The following AARS1 variants were observed in gnomAD, a reference collection of about 807,000 sequenced individuals.
AARS1 encodes the protein alanine--tRNA ligase, cytoplasmic.
Under a neutral mutation model 108.9 loss-of-function variants are expected in AARS1, and 72 were observed. The ratio of observed to expected loss-of-function variants is 0.66; its 90% confidence interval spans 0.55 to 0.80. The LOEUF (loss-of-function observed/expected upper bound fraction) is 0.80, where lower values mean the gene tolerates loss of function less well. Among genes scored for constraint, AARS1 ranks in the 30% least tolerant of loss-of-function variants. The probability of loss-of-function intolerance (pLI) is 0.00; values close to 1 mark genes in which losing one functional copy is unlikely to be tolerated. For synonymous variants in AARS1, 489 were observed against 465.7 expected (o/e 1.05, Z -0.64); for missense variants, 1,193 against 1,233.2 (o/e 0.97, Z 0.49).
At chr16:70,267,910 G>C (rs1281062951) in intron 8 of AARS1, 101 bp from the exon 9 acceptor site, 1 of 1,529,900 alleles carries the variant, frequency 6.5e-7, no homozygotes, top group African/African-American at 1.4e-5. Context: ...GCTCACGCCT[G>C]TAATCCTACC....
chr16:70,272,318 A>T (rs1261875581), intron 4 of AARS1, among the ~76,000 whole-genome samples: 2 of 151,542 alleles, frequency 1.3e-5, no homozygotes, highest in Non-Finnish European at 2.9e-5. Flanking sequence ...CAGCCTCATC[A>T]ACATGGAGAA....
intron 4 of AARS1, among the ~76,000 whole-genome samples, chr16:70,272,366 T>C (rs949800912): frequency 6.7e-6 from 1 of 149,700 alleles, no homozygotes; most frequent in Non-Finnish European, 1.5e-5. Context: ...ATTAGCTGGG[T>C]GTGGTGGCGC....
chr16:70,258,267 C>A (rs199523744), intron 14 of AARS1, 50 bp from the exon 15 acceptor site: 3 of 1,545,544 alleles, frequency 1.9e-6, no homozygotes, highest in African/African-American at 1.4e-5. Context: ...CCTGGAGGTG[C>A]GGTACGACGA....
rs781347519 is a variant in AARS1 at position 70,258,192 on chromosome 16, AG to A, written c.2017del (p.Leu673TrpfsTer45). 4 of 1,601,412 alleles carry A rather than the reference AG, an allele frequency of 2.5e-6. No individual in the cohort carries two copies. Among genetic ancestry groups the A allele is most frequent in the African/African-American group, 1.3e-5 (1 of 74,530 alleles). ...AKAVYTQDCP[L>X]AAAKAIQGLR... is the part of the protein sequence containing the mutation. ...GCCCTGGATGGCTTTCGCTGCTGCC[AG>A]GGGGCAATCCTGGGTATAGACGGCC... On this transcript the variant is annotated frameshift_variant, in exon 15 of 21. Transcript: ENST00000261772. LOFTEE classifies it high-confidence loss of function.
intron 13 of AARS1, among the ~76,000 whole-genome samples, chr16:70,259,544 G>C (rs115134263): frequency 0.014 from 2,159 of 152,194 alleles, 61 homozygotes; most frequent in African/African-American, 0.049. Flanking sequence ...GTACAGCGGC[G>C]CGATTGTAGC....
In AARS1 at chr16:70,268,131, G is replaced by T. The variant is rs62049419; in HGVS notation, c.1071+140C>A. ...TGCAGTGAGCCAAGATCACTCTATT[G>T]CACTCCAGCGTGGGTGACAGAGTGA... is the stretch of plus-strand genomic sequence containing the variant. On this transcript the variant is annotated intron_variant, in intron 8 of 20. Coordinates refer to ENST00000261772, the MANE Select transcript of AARS1 (RefSeq NM_001605.3). The T allele has an allele frequency of 0.35, 285,599 of 817,742 alleles. 54,079 individuals are homozygous for T. The highest frequency in any genetic ancestry group is 0.39 in the Non-Finnish European group (191,791 of 493,596). 50.7% of individuals were successfully genotyped at this position (817,742 alleles called of 1,614,324 possible).
At chr16:70,260,798 G>A (rs1960113804) in intron 13 of AARS1, among the ~76,000 whole-genome samples, 1 of 152,084 alleles carries the variant, frequency 6.6e-6, no homozygotes, top group Non-Finnish European at 1.5e-5. Flanking sequence ...GAGTAGCTGG[G>A]ACTATAGGCG....
chr16:70,254,004 T>C lies in AARS1; in HGVS notation c.2435A>G (p.Lys812Arg), dbSNP rs1179785822. The stretch of plus-strand genomic sequence containing the variant: ...TTTGAGAGTCTCCCGCAATTCATCC[T>C]TCTGCCACTGGGGGATGACTGCAGT... ...LATAVIPQWQKDELRETLKSL... is the reference protein window; with the variant it reads ...LATAVIPQWQRDELRETLKSL... Residue 812 changes from lysine to arginine, a missense_variant, in exon 18 of 21, where the codon AAG becomes AGG. Physicochemically the swap from Lys to Arg is conservative, Grantham distance 26. Coordinates refer to ENST00000261772, the MANE Select transcript of AARS1 (RefSeq NM_001605.3). 2 of 1,614,200 alleles carry C rather than the reference T, an allele frequency of 1.2e-6. No homozygotes were observed. Among genetic ancestry groups the C allele is most frequent in the Admixed American group, 3.3e-5 (2 of 60,026 alleles).
chr16:70,270,445 C>G, intron 5 of AARS1, 105 bp from the exon 6 acceptor site: 1 of 1,439,392 alleles, frequency 6.9e-7, no homozygotes, highest in South Asian at 1.2e-5. Context: ...CAGGCTGTGA[C>G]CATCTGCCAT....
chr16:70,273,888 AT>A, intron 4 of AARS1, among the ~76,000 whole-genome samples: 1 of 149,342 alleles, frequency 6.7e-6, no homozygotes, highest in Non-Finnish European at 1.5e-5. Flanking sequence ...AAAAAAAAAA[AT>A]TAGCCAGGCA....
In AARS1 at chr16:70,273,535, T is replaced by C. The variant is rs183748028; in HGVS notation, c.480-1563A>G. 3.7e-3 allele frequency among the ~76,000 whole-genome samples: 558 copies of C among 151,940 alleles called. 2 individuals are homozygous for C. The highest frequency in any genetic ancestry group is 0.012 in the African/African-American group (498 of 41,442). ...GAGTTCAAGATCAGCCTGGGCAACA[T>C]AGCAAAACCCTGTCCCTACAAAAAA... On this transcript the variant is annotated intron_variant, in intron 4 of 20. Coordinates refer to ENST00000261772, the MANE Select transcript of AARS1 (RefSeq NM_001605.3).
At position 70,269,630 on chromosome 16, in the gene AARS1, T is replaced by A. The variant is rs751265785; in HGVS notation, c.950A>T (p.Asn317Ile). 2.5e-6 allele frequency: 4 copies of A among 1,614,098 alleles called. No homozygotes were observed. The South Asian group carries it at 3.3e-5, about 13-fold the overall frequency. Residue 317 changes from asparagine to isoleucine, a missense_variant, in exon 7 of 21, where the codon AAC becomes ATC. Transcript: ENST00000261772. ...VALADGGRPD[N>I]TGRGYVLRRI... ...GCAGCATACTTACCCACGCCCTGTG[T>A]TGTCAGGCCGGCCACCATCAGCCAG...
intron 10 of AARS1, 77 bp from the exon 11 acceptor site, chr16:70,265,179 C>T: frequency 6.4e-7 from 1 of 1,567,136 alleles, no homozygotes; most frequent in Non-Finnish European, 8.8e-7. Context: ...ACTTGCTAAA[C>T]TATGCCCAGC....
chr16:70,259,074 CG>C lies in AARS1; in HGVS notation c.1897del (p.Arg633AlafsTer27), dbSNP rs2152154412. The C allele has an allele frequency of 6.2e-7, 1 of 1,614,140 alleles. No homozygotes were observed. Among genetic ancestry groups the C allele is most frequent in the South Asian group, 1.1e-5 (1 of 91,084 alleles). ...DQKGSLVAPD[R>X]LRFDFTAKGA... ...CTTGGCAGTAAAGTCAAATCTGAGG[CG>C]GTCAGGAGCAACCAATGAGCCTTTC... On this transcript the variant is annotated frameshift_variant, in exon 14 of 21. Coordinates refer to ENST00000261772, the MANE Select transcript of AARS1 (RefSeq NM_001605.3). LOFTEE classifies it high-confidence loss of function.
intron 13 of AARS1, among the ~76,000 whole-genome samples, chr16:70,259,644 A>C (rs1362901712): frequency 1.3e-5 from 2 of 151,628 alleles, no homozygotes; most frequent in African/African-American, 4.8e-5. Context: ...CACTACCCCC[A>C]ACTAATATTT....
rs1221132045 is a variant in AARS1 at position 70,261,166 on chromosome 16, G to C, written c.1672-9C>G. On this transcript the variant is annotated splice_polypyrimidine_tract_variant and intron_variant, in intron 12 of 20. Coordinates refer to ENST00000261772, the MANE Select transcript of AARS1 (RefSeq NM_001605.3). ...ACTGTAAACTCTGTTTTCTAAGAGG[G>C]GTCAAGGAAGAGACCAATAAATAAA... 1.3e-6 allele frequency: 2 copies of C among 1,592,918 alleles called. No individual in the cohort carries two copies. The highest frequency in any genetic ancestry group is 1.7e-6 in the Non-Finnish European group (2 of 1,161,370).
chr16:70,287,829 A>G (rs1960889857), intron 1 of AARS1, among the ~76,000 whole-genome samples: 1 of 151,720 alleles, frequency 6.6e-6, no homozygotes, highest in Admixed American at 6.6e-5. Context: ...AATGGTGCGC[A>G]ACCTCGGCTC....
At chr16:70,261,488 C>A in intron 12 of AARS1, 2 of 298,272 alleles carry the variant, frequency 6.7e-6, no homozygotes, top group Non-Finnish European at 1.3e-5. Flanking sequence ...ATTCCACCTA[C>A]TCAGGAGGCA....
chr16:70,286,988 A>C (rs1960861196), intron 1 of AARS1, among the ~76,000 whole-genome samples: 1 of 151,256 alleles, frequency 6.6e-6, no homozygotes, highest in South Asian at 2.1e-4. Flanking sequence ...GCGGTGGCTC[A>C]CGCCTGTAAT....
Sources: allele counts gnomAD v4.1 joint callset (sites outside exome capture counted in the v4.1 genomes callset), GRCh38; gene constraint gnomAD v4.1.1; transcripts MANE v1.5; gene names NCBI Gene and HGNC (gene_info 2026-07-23, HGNC 2026-07-21).